GIPC2: variants seen among roughly 807,000 people sequenced by gnomAD.
The protein encoded by GIPC2 is PDZ domain-containing protein GIPC2.
A neutral mutation model predicts 30.6 loss-of-function variants in GIPC2; 30 were observed. That is an observed-to-expected ratio of 0.98 (90% CI 0.73 to 1.33). GIPC2 has a LOEUF of 1.33. Ranked by LOEUF, GIPC2 falls within the 40% of genes most tolerant of loss-of-function variation. GIPC2 has a pLI of 0.00. For missense variants in GIPC2, 414 were observed against 390.3 expected (o/e 1.06, Z -0.51); for synonymous variants, 167 against 150.0 (o/e 1.11, Z -0.83).
intron 1 of GIPC2, among the ~76,000 whole-genome samples, chr1:78,068,448 T>C (rs1349791504): frequency 6.6e-6 from 1 of 152,234 alleles, no homozygotes; most frequent in Non-Finnish European, 1.5e-5. Flanking sequence ...CACATGACTT[T>C]CCTTTTATCC....
chr1:78,131,166 T>G (rs1447195494), intron 5 of GIPC2, among the ~76,000 whole-genome samples: 2 of 152,110 alleles, frequency 1.3e-5, no homozygotes, highest in African/African-American at 2.4e-5. Context: ...TTCTCATGTG[T>G]TTCTAAACAT....
In GIPC2 at chr1:78,091,553, G is replaced by A. The variant is rs1662039362; in HGVS notation, c.427-3399G>A. 12 of 755,956 alleles carry A rather than the reference G, an allele frequency of 1.6e-5. No individual in the cohort carries two copies. In the South Asian group the frequency reaches 1.6e-4, roughly 10 times the overall value. 46.8% of individuals were successfully genotyped at this position (755,956 alleles called of 1,614,324 possible). ...GTCCGAGGAGGACCTGCTCCTGCAG[G>A]ATTTCAGCGGCAACCTCTCGGCCAA... On this transcript the variant is annotated intron_variant, in intron 2 of 5. Coordinates refer to ENST00000370759, the MANE Select transcript of GIPC2 (RefSeq NM_017655.6).
At chr1:78,134,039 A>G (rs1662954233) in intron 5 of GIPC2, among the ~76,000 whole-genome samples, 1 of 152,038 alleles carries the variant, frequency 6.6e-6, no homozygotes, top group South Asian at 2.1e-4. Flanking sequence ...TTTCTGAGGA[A>G]GTCTTAGTCT....
intron 3 of GIPC2, among the ~76,000 whole-genome samples, chr1:78,097,988 GGAT>G: frequency 6.6e-6 from 1 of 152,236 alleles, no homozygotes; most frequent in African/African-American, 2.4e-5. Context: ...TAACATGAAG[GGAT>G]AAATTTCCTT....
chr1:78,091,741 A>C, intron 2 of GIPC2: 2 of 775,774 alleles, frequency 2.6e-6, no homozygotes, highest in Non-Finnish European at 2.4e-6. Flanking sequence ...AGAATGTTAA[A>C]TTTGTTCTCA....
At chr1:78,099,999 CAA>C (rs1662211652) in intron 3 of GIPC2, among the ~76,000 whole-genome samples, 1 of 152,104 alleles carries the variant, frequency 6.6e-6, no homozygotes, top group Non-Finnish European at 1.5e-5. Flanking sequence ...TATATGAAGA[CAA>C]AGACTGGGCA....
intron 3 of GIPC2, among the ~76,000 whole-genome samples, chr1:78,096,449 T>C (rs1228984064): frequency 6.6e-6 from 1 of 152,208 alleles, no homozygotes. Flanking sequence ...TTTTTCTGTA[T>C]TGATCTCCAC....
At chr1:78,104,915 ATCT>A (rs1373016340) in intron 3 of GIPC2, among the ~76,000 whole-genome samples, 3 of 152,224 alleles carry the variant, frequency 2.0e-5, no homozygotes, top group African/African-American at 7.2e-5. Flanking sequence ...ACTGTCGATC[ATCT>A]TATTATGTAG....
In GIPC2 at chr1:78,113,730, G is replaced by A. The variant is rs1488500481; in HGVS notation, c.608-5663G>A. ...GACAGGGTCTTGCTCTGTTGCCCAG[G>A]CTGGTCCTGAACTTCTGAGGTCAAG... On this transcript the variant is annotated intron_variant, in intron 3 of 5. Coordinates refer to ENST00000370759, the MANE Select transcript of GIPC2 (RefSeq NM_017655.6). Among the ~76,000 whole-genome samples the A allele has an allele frequency of 2.0e-5, 3 of 152,254 alleles. No homozygotes were observed. In the East Asian group the frequency reaches 5.8e-4, roughly 29 times the overall value.
intron 1 of GIPC2, among the ~76,000 whole-genome samples, chr1:78,049,014 T>C (rs989794842): frequency 1.3e-5 from 2 of 152,234 alleles, no homozygotes; most frequent in African/African-American, 4.8e-5. Context: ...TTGGTCATCA[T>C]AGCATAGTAC....
chr1:78,095,569 A>AT (rs2100379265), intron 3 of GIPC2, among the ~76,000 whole-genome samples: 1 of 152,302 alleles, frequency 6.6e-6, no homozygotes, highest in South Asian at 2.1e-4. Context: ...GTCCATTTTA[A>AT]AGACCCCCTT....
At chr1:78,086,366 A>G (rs1661927888) in intron 2 of GIPC2, among the ~76,000 whole-genome samples, 2 of 152,174 alleles carry the variant, frequency 1.3e-5, no homozygotes, top group East Asian at 1.9e-4. Context: ...TTTAGAGTAT[A>G]TACCATGTGG....
At chr1:78,103,080 A>G (rs1662277841) in intron 3 of GIPC2, among the ~76,000 whole-genome samples, 2 of 152,354 alleles carry the variant, frequency 1.3e-5, no homozygotes. Flanking sequence ...GCCCAAGGTT[A>G]CAGCTAGTGA....
chr1:78,093,710 G>A (rs912675326), intron 2 of GIPC2, among the ~76,000 whole-genome samples: 12 of 152,066 alleles, frequency 7.9e-5, no homozygotes, highest in African/African-American at 2.9e-4. Context: ...CTTCCACCTA[G>A]CAAGGGTAAA....
chr1:78,078,344 T>C (rs1038785356), intron 1 of GIPC2, among the ~76,000 whole-genome samples: 4 of 152,186 alleles, frequency 2.6e-5, no homozygotes, highest in Non-Finnish European at 5.9e-5. Flanking sequence ...TAGCTTCTTA[T>C]TCTCCCGTGA....
chr1:78,100,170 C>T (rs1225158710), intron 3 of GIPC2, among the ~76,000 whole-genome samples: 1 of 152,174 alleles, frequency 6.6e-6, no homozygotes, highest in Non-Finnish European at 1.5e-5. Context: ...TGAATTAAGG[C>T]AGTGCCTGTA....
At chr1:78,089,091 G>A (rs1266803290) in intron 2 of GIPC2, 1 of 152,196 alleles carries the variant, frequency 6.6e-6, no homozygotes, top group Admixed American at 6.5e-5. Context: ...CACTTGGTAT[G>A]TTTTTAACTT....
In GIPC2 at chr1:78,050,880, C is replaced by T. The variant is rs191961804; in HGVS notation, c.240+4546C>T. 7.2e-5 allele frequency among the ~76,000 whole-genome samples: 11 copies of T among 152,190 alleles called. No individual in the cohort carries two copies. The East Asian group carries it at 1.5e-3, about 21-fold the overall frequency. On this transcript the variant is annotated intron_variant, in intron 1 of 5. Transcript: ENST00000370759. The stretch of plus-strand genomic sequence containing the variant: ...CGATCTCCTGACCTTGTGATCTGCC[C>T]GCCTCAGCCTCCCAAAGTGCTGAGA...
rs1661074609 is a variant in GIPC2 at position 78,046,159 on chromosome 1, GCGAGC to G, written c.69_73del (p.Glu23AspfsTer28). ...AAGGAGACCGCCGGGCTGGTGGAGG[GCGAGC>G]CGACGGGCGCGGGCGGCGGGAGCCT... On this transcript the variant is annotated frameshift_variant, in exon 1 of 6. Transcript: ENST00000370759. LOFTEE classifies it high-confidence loss of function. The G allele has an allele frequency of 6.4e-7, 1 of 1,552,506 alleles. No individual in the cohort carries two copies. The highest frequency in any genetic ancestry group is 1.4e-5 in the African/African-American group (1 of 71,898).
Sources: gnomAD v4.1 joint callset for allele counts (sites outside exome capture counted in the v4.1 genomes callset) on GRCh38, gnomAD v4.1.1 for gene constraint, MANE v1.5 for transcripts, NCBI Gene and HGNC (gene_info 2026-07-23, HGNC 2026-07-21) for gene names.